TRIO: variants seen among roughly 807,000 people sequenced by gnomAD.
TRIO encodes trio Rho guanine nucleotide exchange factor.
TRIO carries 58 observed loss-of-function variants against 351.9 expected under a neutral mutation model. The ratio of observed to expected loss-of-function variants is 0.16; its 90% CI spans 0.13 to 0.21. The LOEUF (loss-of-function observed/expected upper bound fraction) is 0.21. Among genes scored for constraint, TRIO ranks in the 10% least tolerant of loss-of-function variants. The pLI is 1.00. For missense variants in TRIO, 3,201 were observed against 4,027.8 expected, an observed-to-expected ratio of 0.79 and a Z score of 5.56; for synonymous variants, 1,758 against 1,595.7, an observed-to-expected ratio of 1.10 and a Z score of -2.42.
At chr5:14,352,763 C>T (rs1037260313) in intron 11 of TRIO, among the ~76,000 whole-genome samples, 8 of 152,220 alleles carry the variant, frequency 5.3e-5, no homozygotes, top group Non-Finnish European at 1.2e-4. Context: ...ATGTCATGAT[C>T]CCAGGATCAG....
intron 1 of TRIO, among the ~76,000 whole-genome samples, chr5:14,210,528 G>A (rs1791820797): frequency 6.6e-6 from 1 of 152,204 alleles, no homozygotes; most frequent in Admixed American, 6.5e-5. Flanking sequence ...GATCTGTGGA[G>A]CAGTTGAGAG....
chr5:14,166,726 TTGA>T (rs75589592), intron 1 of TRIO, among the ~76,000 whole-genome samples: 1 of 152,296 alleles, frequency 6.6e-6, no homozygotes, highest in East Asian at 1.9e-4. Flanking sequence ...GTGGTAACTA[TTGA>T]GCCAGCAAAA....
chr5:14,470,531 G>T (rs1369202688), intron 37 of TRIO, among the ~76,000 whole-genome samples: 1 of 152,190 alleles, frequency 6.6e-6, no homozygotes, highest in African/African-American at 2.4e-5. Context: ...AAAGCAATCA[G>T]TCACCAGTCA....
chr5:14,439,852 C>T (rs1228697268), intron 34 of TRIO, among the ~76,000 whole-genome samples: 1 of 152,082 alleles, frequency 6.6e-6, no homozygotes, highest in Non-Finnish European at 1.5e-5. Context: ...GTGAGAGAGC[C>T]GTTGGAGCGC....
rs201718893 is a variant in TRIO, at chr5:14,508,301, C to T, written c.9173C>T (p.Thr3058Met). The change falls in exon 57 of 57, where the codon ACG becomes ATG. Residue 3058 changes from threonine to methionine, a missense_variant. Physicochemically the swap from Thr to Met is moderately conservative, Grantham distance 81. Coordinates refer to ENST00000344204, the MANE Select transcript of TRIO (RefSeq NM_007118.4). ...CTGCAGGCCGGCAACGGCAGAAGCA[C>T]GGGCGTCCTCGACACGTCCAGACTG... is the stretch of plus-strand genomic sequence containing the variant. Reference protein sequence around the residue: ...QWLQAGNGRSTGVLDTSRLTS... With the variant: ...QWLQAGNGRSMGVLDTSRLTS... 182 of 1,613,926 alleles carry T rather than the reference C, an allele frequency of 1.1e-4. No homozygotes were observed. The highest frequency in any genetic ancestry group is 3.3e-4 in the Middle Eastern group (2 of 6,062).
rs143773471 is a variant in TRIO at position 14,263,101 on chromosome 5, T to C, written c.158-7724T>C. On this transcript the variant is annotated intron_variant, in intron 1 of 56. Coordinates refer to ENST00000344204, the MANE Select transcript of TRIO (RefSeq NM_007118.4). ...TTCTTCCACACTTCGCACAGATCTT[T>C]TATTTGATAGGACATCTTCTCCTAT... 5.5e-3 allele frequency among the ~76,000 whole-genome samples: 840 copies of C among 152,314 alleles called. 12 individuals carry two copies. The highest frequency in any genetic ancestry group is 0.019 in the African/African-American group (798 of 41,566).
rs1757979552 is a variant in TRIO at position 14,509,952 on chromosome 5, G to C, written c.*1530G>C. 6.6e-6 allele frequency: 1 copy of C among 152,142 alleles called. No homozygotes were observed. The highest frequency in any genetic ancestry group is 2.1e-4 in the South Asian group (1 of 4,830). The allele number at this position is 152,142 out of a possible 1,614,324, so 9.4% of individuals were successfully genotyped here. A position where few individuals can be genotyped will look rare whatever the true frequency, so the allele number is the denominator to read the frequency against. On this transcript the variant is annotated 3_prime_UTR_variant, in exon 57 of 57. Coordinates refer to ENST00000344204, the MANE Select transcript of TRIO (RefSeq NM_007118.4). ...TGTATTTTATTTATTCTTTTGTTGGGTTTTTGTTTGTTTCTTCTTGTAAAA... is the reference window on the plus strand; with the variant it reads ...TGTATTTTATTTATTCTTTTGTTGGCTTTTTGTTTGTTTCTTCTTGTAAAA...
Position 14,471,388 on chromosome 5 carries a change from C to G in TRIO, c.5834C>G (p.Ser1945Trp). The G allele has an allele frequency of 2.5e-6, 4 of 1,614,002 alleles. No individual in the cohort carries two copies. In the East Asian group the frequency reaches 6.7e-5, roughly 27 times the overall value. ...GDSSSPSFNPSDNSLLSSSSP... is the reference protein window; with the variant it reads ...GDSSSPSFNPWDNSLLSSSSP... ...AGTAGCAGCCCTTCCTTCAACCCTTCGGATAATTCCCTTCTCTCTTCCTCC... is the reference window on the plus strand; with the variant it reads ...AGTAGCAGCCCTTCCTTCAACCCTTGGGATAATTCCCTTCTCTCTTCCTCC... The change falls in exon 38 of 57, where the codon TCG (serine) becomes TGG (tryptophan). Residue 1945 changes from serine (S) to tryptophan (W), a missense_variant. By Grantham distance (177) the Ser-to-Trp change is radical. Around this residue, in one of 19 missense-constraint regions of TRIO, gnomAD observed 307 missense variants for 396.5 expected, o/e 0.77. Coordinates refer to ENST00000344204, the MANE Select transcript of TRIO (RefSeq NM_007118.4).
At chr5:14,496,054 C>A (rs1413818180) in intron 49 of TRIO, among the ~76,000 whole-genome samples, 2 of 152,188 alleles carry the variant, frequency 1.3e-5, no homozygotes, top group Non-Finnish European at 2.9e-5. Flanking sequence ...ACAAGACCCT[C>A]CACTAGCAAA....
chr5:14,442,388 G>C (rs1752125340), intron 34 of TRIO, among the ~76,000 whole-genome samples: 2 of 152,184 alleles, frequency 1.3e-5, no homozygotes, highest in Admixed American at 1.3e-4. Context: ...AAAGGGGGTA[G>C]GGTGTCGGAT....
chr5:14,340,872 C>T (rs1370378597), intron 11 of TRIO, among the ~76,000 whole-genome samples: 5 of 152,132 alleles, frequency 3.3e-5, no homozygotes, highest in African/African-American at 1.2e-4. Flanking sequence ...TTTTCTACCT[C>T]GAGGTAGAAT....
At chr5:14,381,358 G>A in intron 21 of TRIO, 106 bp downstream of exon 21, 1 of 1,379,806 alleles carries the variant, frequency 7.2e-7, no homozygotes, top group Non-Finnish European at 9.5e-7. Context: ...ATGACCCAGT[G>A]GGCTGTTCCA....
At chr5:14,381,093 G>A (rs1300246673) in intron 20 of TRIO, 37 bp from the exon 21 acceptor site, 1 of 1,600,024 alleles carries the variant, frequency 6.2e-7, no homozygotes, top group South Asian at 1.1e-5. Context: ...TCAGGAATGT[G>A]TAGCCCTCTG....
chr5:14,149,513 C>A (rs748879477), intron 1 of TRIO, among the ~76,000 whole-genome samples: 1 of 152,176 alleles, frequency 6.6e-6, no homozygotes, highest in Non-Finnish European at 1.5e-5. Flanking sequence ...TACTAATCAC[C>A]TGCCCCCCGG....
At position 14,291,355 on chromosome 5, in the gene TRIO, CGA is replaced by C; in HGVS notation, c.1053+131_1053+132del. 3 of 995,946 alleles carry C rather than the reference CGA, an allele frequency of 3.0e-6. No individual in the cohort carries two copies. The South Asian group carries it at 5.5e-5, about 18-fold the overall frequency. 61.7% of individuals were successfully genotyped at this position (995,946 alleles called of 1,614,324 possible). A position where few individuals can be genotyped will look rare whatever the true frequency, so the allele number is the denominator to read the frequency against. Reference sequence around the variant, plus strand: ...ACTCACCGTGTGTGCTCTAAACCAGCGAGAGTCATTTCAGAAATGGCACTGAA... The same window carrying C: ...ACTCACCGTGTGTGCTCTAAACCAGCGAGTCATTTCAGAAATGGCACTGAA... On this transcript the variant is annotated intron_variant, in intron 5 of 56. Transcript: ENST00000344204.
chr5:14,314,811 TGA>T (rs1381592104), intron 8 of TRIO, among the ~76,000 whole-genome samples: 2 of 152,198 alleles, frequency 1.3e-5, no homozygotes, highest in African/African-American at 4.8e-5. Flanking sequence ...TGGGCACAAA[TGA>T]GAAGCCTGCT....
chr5:14,434,720 C>T (rs77096396), intron 34 of TRIO, among the ~76,000 whole-genome samples: 1,816 of 152,282 alleles, frequency 0.012, 21 homozygotes, highest in Non-Finnish European at 0.018. Flanking sequence ...AATTAAGAAT[C>T]CACATTGTAT....
chr5:14,392,700 G>T (rs1000004838), intron 27 of TRIO, among the ~76,000 whole-genome samples: 1 of 152,176 alleles, frequency 6.6e-6, no homozygotes, highest in African/African-American at 2.4e-5. Context: ...TGATAGACTG[G>T]ATAAAGAAAA....
chr5:14,466,732 GTT>G (rs1561524676), intron 37 of TRIO, among the ~76,000 whole-genome samples: 3 of 152,176 alleles, frequency 2.0e-5, no homozygotes, highest in African/African-American at 7.2e-5. Flanking sequence ...CCCTCCAGAC[GTT>G]TTCCTTGCTG....
Sources: allele counts gnomAD v4.1 joint callset (sites outside exome capture counted in the v4.1 genomes callset), GRCh38; gene constraint gnomAD v4.1.1; regional missense constraint gnomAD v4.1.1; transcripts MANE v1.5; gene names NCBI Gene and HGNC (gene_info 2026-07-23, HGNC 2026-07-21).